Variants in NEK1 observed in about 807,000 individuals in gnomAD.
The protein encoded by NEK1 is NIMA related kinase 1.
In NEK1, 137 loss-of-function variants were observed where a neutral mutation model predicts 182.1. That is an observed-to-expected ratio of 0.75 (90% CI 0.65 to 0.87). The LOEUF is 0.87. Among genes scored for constraint, NEK1 ranks in the 40% least tolerant of loss-of-function variants. NEK1 has a pLI of 0.00. For synonymous variants in NEK1, 513 were observed against 492.2 expected (o/e 1.04, Z -0.56); for missense variants, 1,391 against 1,494.4 (o/e 0.93, Z 1.14).
At chr4:169,465,573 A>G (rs1744775291) in intron 26 of NEK1, among the ~76,000 whole-genome samples, 1 of 152,132 alleles carries the variant, frequency 6.6e-6, no homozygotes, top group South Asian at 2.1e-4. Context: ...ATTTTAGAGA[A>G]AGTTTAGAGA....
chr4:169,491,629 A>C (rs935467050), intron 23 of NEK1, among the ~76,000 whole-genome samples: 1 of 152,190 alleles, frequency 6.6e-6, no homozygotes, highest in Non-Finnish European at 1.5e-5. Context: ...TTCAACCAGA[A>C]ACAAAAGAAC....
At chr4:169,488,828 T>G (rs1408669251) in intron 23 of NEK1, among the ~76,000 whole-genome samples, 1 of 152,200 alleles carries the variant, frequency 6.6e-6, no homozygotes, top group Non-Finnish European at 1.5e-5. Flanking sequence ...ATATTAGACT[T>G]TCTATTGAAA....
intron 18 of NEK1, among the ~76,000 whole-genome samples, chr4:169,538,850 C>G (rs569520785): frequency 6.6e-6 from 1 of 152,092 alleles, no homozygotes; most frequent in Admixed American, 6.6e-5. Flanking sequence ...AAGATTTGAG[C>G]ACTTCTGATT....
intron 31 of NEK1, among the ~76,000 whole-genome samples, chr4:169,411,356 C>T (rs1238562949): frequency 6.6e-5 from 10 of 150,666 alleles, no homozygotes; most frequent in Admixed American, 2.6e-4. Context: ...GATGGTGTCT[C>T]GCTCTTGCTG....
chr4:169,475,830 A>C lies in NEK1; in HGVS notation c.2434+1294T>G, dbSNP rs187807878. On this transcript the variant is annotated intron_variant, in intron 26 of 35. Transcript: ENST00000507142. ...GATGAAAAGTACATTGAATAGAATT[A>C]ATAGCAGATTGGGTATGGCAGGAAA... is the stretch of plus-strand genomic sequence containing the variant. 1.9e-3 allele frequency among the ~76,000 whole-genome samples: 289 copies of C among 152,294 alleles called. 4 individuals carry two copies. Among genetic ancestry groups the C allele is most frequent in the Admixed American group, 5.2e-3 (80 of 15,286 alleles).
intron 23 of NEK1, among the ~76,000 whole-genome samples, chr4:169,494,221 T>C (rs1412056647): frequency 1.3e-5 from 2 of 152,098 alleles, no homozygotes; most frequent in Non-Finnish European, 2.9e-5. Flanking sequence ...TTACCTTAGG[T>C]ATATCTCCTA....
chr4:169,441,925 CCA>C (rs541755256), intron 27 of NEK1, among the ~76,000 whole-genome samples: 167 of 152,248 alleles, frequency 1.1e-3, no homozygotes, highest in African/African-American at 3.8e-3. Context: ...CTGTCCGCCA[CCA>C]CAGACACCCA....
At chr4:169,437,730 C>T (rs58700018) in intron 28 of NEK1, among the ~76,000 whole-genome samples, 3,794 of 152,228 alleles carry the variant, frequency 0.025, 139 homozygotes, top group African/African-American at 0.083. Flanking sequence ...GCCAAGATAG[C>T]AGTGAAGCTT....
intron 18 of NEK1, among the ~76,000 whole-genome samples, chr4:169,549,686 G>A (rs1296516308): frequency 6.6e-6 from 1 of 151,994 alleles, no homozygotes; most frequent in Non-Finnish European, 1.5e-5. Context: ...GCCTCCCAAA[G>A]TGCTGGGATT....
chr4:169,394,645 A>C (rs1730396234), intron 35 of NEK1, 122 bp from the exon 36 acceptor site: 1 of 547,350 alleles, frequency 1.8e-6, no homozygotes, highest in Non-Finnish European at 3.2e-6. Context: ...ATACTTTTAA[A>C]ATTATTTTAT....
At chr4:169,485,541 T>C (rs1277532274) in intron 23 of NEK1, among the ~76,000 whole-genome samples, 1 of 152,166 alleles carries the variant, frequency 6.6e-6, no homozygotes, top group Non-Finnish European at 1.5e-5. Context: ...GATAAACCAT[T>C]ACACTAAGCC....
chr4:169,609,990 C>T (rs1772041053), intron 2 of NEK1, among the ~76,000 whole-genome samples: 1 of 151,056 alleles, frequency 6.6e-6, no homozygotes, highest in African/African-American at 2.4e-5. Flanking sequence ...AATAAGACAG[C>T]TTTCCTCACA....
intron 18 of NEK1, among the ~76,000 whole-genome samples, chr4:169,550,713 G>A (rs889748868): frequency 3.3e-5 from 5 of 152,168 alleles, no homozygotes; most frequent in Non-Finnish European, 7.3e-5. Flanking sequence ...CCATTATATT[G>A]TGGATTCATT....
chr4:169,525,476 G>T (rs1404552185), intron 19 of NEK1, among the ~76,000 whole-genome samples: 2 of 151,806 alleles, frequency 1.3e-5, no homozygotes, highest in Non-Finnish European at 2.9e-5. Flanking sequence ...AAGAAGATCT[G>T]AAAAAAATAA....
At position 169,599,084 on chromosome 4, in the gene NEK1, C is replaced by T. The variant is rs1770043255; in HGVS notation, c.312+16G>A. On this transcript the variant is annotated intron_variant, in intron 5 of 35. Coordinates refer to ENST00000507142, the MANE Select transcript of NEK1 (RefSeq NM_001199397.3). ...CAATAATAGAGTAAGAGTCAATTTC[C>T]TAAATGCAAACTTACCTGATCCTCT... is the stretch of plus-strand genomic sequence containing the variant. 2.5e-6 allele frequency: 4 copies of T among 1,602,818 alleles called. No individual in the cohort carries two copies. Among genetic ancestry groups the T allele is most frequent in the Non-Finnish European group, 3.4e-6 (4 of 1,171,446 alleles).
chr4:169,547,010 G>A (rs1036645662), intron 18 of NEK1, among the ~76,000 whole-genome samples: 1 of 152,172 alleles, frequency 6.6e-6, no homozygotes, highest in African/African-American at 2.4e-5. Flanking sequence ...ATTAGATCCT[G>A]CCATTATGAT....
At chr4:169,606,293 G>T (rs112125041) in intron 2 of NEK1, among the ~76,000 whole-genome samples, 35 of 149,370 alleles carry the variant, frequency 2.3e-4, no homozygotes, top group African/African-American at 6.9e-4. Flanking sequence ...TCTACTACTT[G>T]TCCAAACCTG....
intron 13 of NEK1, 92 bp downstream of exon 13, chr4:169,562,045 G>A: frequency 1.7e-6 from 2 of 1,151,248 alleles, no homozygotes; most frequent in Non-Finnish European, 2.5e-6. Flanking sequence ...AAAGAAATAA[G>A]GAAAGGTTTG....
chr4:169,541,049 T>G (rs1397903138), intron 18 of NEK1, among the ~76,000 whole-genome samples: 1 of 152,024 alleles, frequency 6.6e-6, no homozygotes, highest in East Asian at 1.9e-4. Context: ...AAGGATAAAG[T>G]TGAAGACAAC....
Sources: allele counts gnomAD v4.1 joint callset (sites outside exome capture counted in the v4.1 genomes callset), GRCh38; gene constraint gnomAD v4.1.1; transcripts MANE v1.5; gene names NCBI Gene and HGNC (gene_info 2026-07-23, HGNC 2026-07-21).